SLCO1A2: variants seen among roughly 807,000 people sequenced by gnomAD.
SLCO1A2 encodes the protein OATP-1.
In SLCO1A2, 67 loss-of-function variants were observed where a neutral mutation model predicts 69.0. That is an observed-to-expected ratio of 0.97 (90% CI 0.80 to 1.19). SLCO1A2 has a LOEUF of 1.19. Ranked by LOEUF, SLCO1A2 falls within the 50% of genes most tolerant of loss-of-function variation. The pLI, the probability that SLCO1A2 is intolerant of heterozygous loss-of-function variation, is 0.00. For missense variants in SLCO1A2, 787 were observed against 793.7 expected, an observed-to-expected ratio of 0.99 and a Z score of 0.10; for synonymous variants, 260 against 265.9, an observed-to-expected ratio of 0.98 and a Z score of 0.22.
chr12:21,367,850 C>T (rs1939505537), intron 2 of SLCO1A2, among the ~76,000 whole-genome samples: 1 of 151,638 alleles, frequency 6.6e-6, no homozygotes, highest in African/African-American at 2.4e-5. Context: ...AAGTATATTT[C>T]AAAAAAATGA....
intron 1 of SLCO1A2, among the ~76,000 whole-genome samples, chr12:21,385,141 C>T (rs1405744351): frequency 2.0e-5 from 3 of 152,014 alleles, no homozygotes; most frequent in African/African-American, 7.3e-5. Flanking sequence ...AAATATGAAA[C>T]CTCTGCAATT....
chr12:21,382,707 G>C (rs1467205230), intron 1 of SLCO1A2, among the ~76,000 whole-genome samples: 1 of 150,032 alleles, frequency 6.7e-6, no homozygotes, highest in Non-Finnish European at 1.5e-5. Context: ...AGACGGGAGA[G>C]TCGCTTGAAC....
intron 2 of SLCO1A2, among the ~76,000 whole-genome samples, chr12:21,330,558 A>T (rs1952553210): frequency 6.6e-6 from 1 of 152,056 alleles, no homozygotes; most frequent in Admixed American, 6.6e-5. Flanking sequence ...ACAAAGTTGA[A>T]GGAGAGAGTT....
chr12:21,312,007 G>C (rs1158736279), intron 4 of SLCO1A2, among the ~76,000 whole-genome samples: 2 of 150,406 alleles, frequency 1.3e-5, no homozygotes, highest in South Asian at 2.1e-4. Context: ...AGGAGGAGAA[G>C]AAGAGGAGGA....
intron 12 of SLCO1A2, among the ~76,000 whole-genome samples, chr12:21,285,243 A>C (rs530061053): frequency 1.7e-4 from 26 of 152,300 alleles, no homozygotes; most frequent in Non-Finnish European, 3.4e-4. Context: ...ACACAAATAA[A>C]ACTAGAAAAT....
chr12:21,307,050 G>A, intron 4 of SLCO1A2, 62 bp from the exon 5 acceptor site: 1 of 1,147,094 alleles, frequency 8.7e-7, no homozygotes, highest in Non-Finnish European at 1.3e-6. Flanking sequence ...TGTGGGCAAT[G>A]TGCAGATTGT....
At chr12:21,323,390 C>T (rs1003900426) in intron 2 of SLCO1A2, among the ~76,000 whole-genome samples, 1 of 151,918 alleles carries the variant, frequency 6.6e-6, no homozygotes, top group Admixed American at 6.6e-5. Flanking sequence ...AACCCTGTCT[C>T]TAAAAAAATA....
At chr12:21,373,746 T>C (rs1210556291) in intron 2 of SLCO1A2, 1 of 700,402 alleles carries the variant, frequency 1.4e-6, no homozygotes, top group Non-Finnish European at 2.6e-6. Flanking sequence ...AGTAATTTCT[T>C]CTATATTAAC....
intron 11 of SLCO1A2, 148 bp downstream of exon 11, chr12:21,293,797 G>T (rs1947284662): frequency 3.8e-6 from 2 of 527,566 alleles, no homozygotes; most frequent in Non-Finnish European, 6.3e-6. Flanking sequence ...GTAATCAAGT[G>T]ACCATCATAG....
At chr12:21,317,356 CTA>C (rs1951013022) in intron 3 of SLCO1A2, among the ~76,000 whole-genome samples, 1 of 152,124 alleles carries the variant, frequency 6.6e-6, no homozygotes, top group Non-Finnish European at 1.5e-5. Flanking sequence ...CTCACATAGG[CTA>C]TTGCACTGCA....
intron 2 of SLCO1A2, among the ~76,000 whole-genome samples, chr12:21,346,113 T>G (rs1471863416): frequency 6.6e-6 from 1 of 152,054 alleles, no homozygotes; most frequent in Non-Finnish European, 1.5e-5. Context: ...AATATATTCA[T>G]GCTGAATATG....
chr12:21,281,791 G>T (rs1944847976), intron 12 of SLCO1A2, among the ~76,000 whole-genome samples: 1 of 151,930 alleles, frequency 6.6e-6, no homozygotes, highest in African/African-American at 2.4e-5. Context: ...TAAACTCAAG[G>T]CTATTATGAA....
intron 3 of SLCO1A2, among the ~76,000 whole-genome samples, chr12:21,316,006 C>G (rs1397916047): frequency 3.3e-5 from 5 of 152,092 alleles, no homozygotes; most frequent in Non-Finnish European, 5.9e-5. Flanking sequence ...TGTTTATTGC[C>G]TTTTGTAAAT....
Position 21,274,454 on chromosome 12 carries a change from AATTATTAT to A in SLCO1A2, c.1793+7_1793+14del, listed in dbSNP as rs1283796472. ...TATGCTTATAAAACAATTTTAAACA[AATTATTAT>A]CTTTACCTGAAGGTGGTGGAATCAT... On this transcript the variant is annotated splice_region_variant and intron_variant, in intron 14 of 14. Transcript: ENST00000683939. 4 of 1,545,528 alleles carry A rather than the reference AATTATTAT, an allele frequency of 2.6e-6. No individual in the cohort carries two copies. The highest frequency in any genetic ancestry group is 3.6e-6 in the Non-Finnish European group (4 of 1,117,888).
At chr12:21,290,071 G>A (rs1245351118) in intron 12 of SLCO1A2, among the ~76,000 whole-genome samples, 1 of 151,734 alleles carries the variant, frequency 6.6e-6, no homozygotes, top group Non-Finnish European at 1.5e-5. Flanking sequence ...ACATATGTGT[G>A]TGTGCATATA....
intron 2 of SLCO1A2, among the ~76,000 whole-genome samples, chr12:21,366,475 C>T (rs1297936666): frequency 1.3e-5 from 2 of 152,108 alleles, no homozygotes; most frequent in Non-Finnish European, 2.9e-5. Context: ...AGCACACCAA[C>T]ATGGCGCACG....
chr12:21,378,456 T>C, intron 1 of SLCO1A2: 1 of 1,548,688 alleles, frequency 6.5e-7, no homozygotes, highest in Non-Finnish European at 8.9e-7. Flanking sequence ...GTTATTGTTT[T>C]ATGTTCTAGT....
chr12:21,354,468 T>C (rs903948131), intron 2 of SLCO1A2, among the ~76,000 whole-genome samples: 24 of 152,204 alleles, frequency 1.6e-4, no homozygotes, highest in Admixed American at 1.6e-3. Context: ...ATCTAGATAT[T>C]GCATTCAATA....
chr12:21,274,890 G>T, intron 13 of SLCO1A2: 1 of 1,054,284 alleles, frequency 9.5e-7, no homozygotes, highest in Non-Finnish European at 1.2e-6. Context: ...TTTTATTTGG[G>T]CAGAGCATTT....
Sources: gnomAD v4.1 joint callset for allele counts (sites outside exome capture counted in the v4.1 genomes callset) on GRCh38, gnomAD v4.1.1 for gene constraint, MANE v1.5 for transcripts, NCBI Gene and HGNC (gene_info 2026-07-23, HGNC 2026-07-21) for gene names.